BRDT: variants seen among roughly 807,000 people sequenced by gnomAD.
BRDT encodes the protein bromodomain testis associated.
Under a neutral mutation model 113.9 loss-of-function variants are expected in BRDT, and 77 were observed. The ratio of observed to expected loss-of-function variants is 0.68; its 90% CI spans 0.56 to 0.82. BRDT has a LOEUF of 0.82. Among genes scored for constraint, BRDT ranks in the 40% least tolerant of loss-of-function variants. The pLI is 0.00. For missense variants in BRDT, 1,027 were observed against 1,105.4 expected (o/e 0.93, Z 1.01); for synonymous variants, 358 against 366.5 (o/e 0.98, Z 0.26).
At chr1:91,970,493 C>T (rs1188160113) in intron 4 of BRDT, among the ~76,000 whole-genome samples, 1 of 152,184 alleles carries the variant, frequency 6.6e-6, no homozygotes, top group Non-Finnish European at 1.5e-5. Context: ...TCTTGAACTC[C>T]TGGCTTCAAA....
chr1:91,950,745 G>A (rs1680967535), intron 1 of BRDT: 1 of 140,328 alleles, frequency 7.1e-6, no homozygotes, highest in African/African-American at 2.7e-5. Flanking sequence ...GATCTCAGAG[G>A]ATCGCCTGAG....
Position 91,980,734 on chromosome 1 carries a change from AAAAAG to A in BRDT, c.1385_1389del (p.Glu462GlyfsTer2). Reference sequence around the variant, plus strand: ...AAAGAGAAGTCTAAAAAGGAAAAGAAAAAAGAAAAGGTTAATAACAGCAATGAAAA... The same window carrying A: ...AAAGAGAAGTCTAAAAAGGAAAAGAAAAAAGGTTAATAACAGCAATGAAAA... On this transcript the variant is annotated frameshift_variant, in exon 9 of 19. Coordinates refer to ENST00000399546, the MANE Select transcript of BRDT (RefSeq NM_207189.4). LOFTEE classifies it high-confidence loss of function. 6.2e-7 allele frequency: 1 copy of A among 1,608,656 alleles called. No individual in the cohort carries two copies. The highest frequency in any genetic ancestry group is 8.5e-7 in the Non-Finnish European group (1 of 1,178,984).
At chr1:92,014,152 T>C in intron 18 of BRDT, 54 bp from the exon 19 acceptor site, 1 of 1,136,828 alleles carries the variant, frequency 8.8e-7, no homozygotes. Flanking sequence ...TGTATAGTTG[T>C]AGTAAAGACA....
chr1:91,978,544 T>C (rs561760188), intron 7 of BRDT, among the ~76,000 whole-genome samples: 11 of 152,320 alleles, frequency 7.2e-5, no homozygotes, highest in Admixed American at 5.9e-4. Context: ...AATCTTTTTA[T>C]GAAGCTGCCC....
rs760139039 is a variant in BRDT, at chr1:91,981,188, T to G, written c.1750+10T>G. On this transcript the variant is annotated intron_variant, in intron 10 of 18. Coordinates refer to ENST00000399546, the MANE Select transcript of BRDT (RefSeq NM_207189.4). The stretch of plus-strand genomic sequence containing the variant: ...CCATTAAAACCTCCTGGTATGTATT[T>G]CTGCATATTAATAGAAATCGGTTTG... 6.2e-7 allele frequency: 1 copy of G among 1,607,560 alleles called. No homozygotes were observed. Among genetic ancestry groups the G allele is most frequent in the Non-Finnish European group, 8.5e-7 (1 of 1,177,860 alleles).
chr1:91,966,935 G>A (rs1683123241), intron 3 of BRDT, among the ~76,000 whole-genome samples: 1 of 152,042 alleles, frequency 6.6e-6, no homozygotes, highest in South Asian at 2.1e-4. Flanking sequence ...CAGACGCGGT[G>A]GCAGGCACCT....
At chr1:91,982,351 T>G (rs759501644) in intron 12 of BRDT, among the ~76,000 whole-genome samples, 4 of 152,182 alleles carry the variant, frequency 2.6e-5, no homozygotes, top group South Asian at 4.1e-4. Context: ...TCTTGTATAG[T>G]TTAGCAGTTG....
At chr1:91,964,305 C>T (rs1165595613) in intron 2 of BRDT, among the ~76,000 whole-genome samples, 1 of 152,236 alleles carries the variant, frequency 6.6e-6, no homozygotes, top group Non-Finnish European at 1.5e-5. Context: ...AGGTGATCCA[C>T]CCACCTTGGC....
chr1:91,957,366 G>A lies in BRDT; in HGVS notation c.-37-5352G>A, dbSNP rs573847680. ...AAACTAGCTGGGTGTGGTGGCGGGC[G>A]CCTGTAGTCCCAGCTACTCTGGAGG... On this transcript the variant is annotated intron_variant, in intron 1 of 18. Coordinates refer to ENST00000399546, the MANE Select transcript of BRDT (RefSeq NM_207189.4). Among the ~76,000 whole-genome samples the A allele has an allele frequency of 4.1e-3, 630 of 152,112 alleles. 8 individuals carry two copies. Among genetic ancestry groups the A allele is most frequent in the African/African-American group, 0.014 (589 of 41,496 alleles).
intron 4 of BRDT, among the ~76,000 whole-genome samples, chr1:91,971,627 C>G (rs2101624602): frequency 6.6e-6 from 1 of 152,294 alleles, no homozygotes; most frequent in East Asian, 1.9e-4. Flanking sequence ...GTTCTGTGCT[C>G]TTGAGATATT....
intron 12 of BRDT, among the ~76,000 whole-genome samples, chr1:91,982,814 C>T (rs1019517325): frequency 1.3e-5 from 2 of 152,100 alleles, no homozygotes; most frequent in African/African-American, 4.8e-5. Context: ...ATTTGTCATA[C>T]TAGAAAATTT....
chr1:91,997,291 T>C (rs2101772060), intron 15 of BRDT, among the ~76,000 whole-genome samples: 1 of 152,248 alleles, frequency 6.6e-6, no homozygotes, highest in South Asian at 2.1e-4. Flanking sequence ...TGAGAAGTAA[T>C]GGAATTTGAG....
At position 91,981,322 on chromosome 1, in the gene BRDT, T is replaced by C. The variant is rs1341326448; in HGVS notation, c.1805T>C (p.Leu602Ser). ...EELHSQKKQE[L>S]EKRLLDVNNQ... ...CTTCACTCACAGAAAAAACAGGAAT[T>C]GGAAAAGCGGTTACTGGATGTTAAT... Residue 602 changes from leucine (L) to serine (S), a missense_variant, in exon 11 of 19, where the codon TTG (leucine) becomes TCG (serine). Leu to Ser is a moderately radical substitution (Grantham distance 145, BLOSUM62 -2). Transcript: ENST00000399546. The C allele has an allele frequency of 1.2e-6, 2 of 1,614,006 alleles. No homozygotes were observed. Among genetic ancestry groups the C allele is most frequent in the Non-Finnish European group, 1.7e-6 (2 of 1,180,006 alleles).
At chr1:91,954,735 C>T (rs1681543925) in intron 1 of BRDT, among the ~76,000 whole-genome samples, 1 of 151,954 alleles carries the variant, frequency 6.6e-6, no homozygotes, top group African/African-American at 2.4e-5. Context: ...GTGGGAGGAT[C>T]ACTTGAGAAC....
chr1:91,991,332 A>G (rs1400340591), intron 13 of BRDT, 87 bp downstream of exon 13: 4 of 645,298 alleles, frequency 6.2e-6, no homozygotes, highest in Admixed American at 7.2e-5. Context: ...ATTGTTTTCA[A>G]TTTTATTTAC....
chr1:91,958,214 CTTTTTTTT>C (rs35049237), intron 1 of BRDT, among the ~76,000 whole-genome samples: 41 of 127,338 alleles, frequency 3.2e-4, no homozygotes, highest in Admixed American at 1.1e-3. Flanking sequence ...AACTCATGCC[CTTTTTTTT>C]TTTTTTTTTT....
chr1:91,984,168 A>G (rs1278399117), intron 12 of BRDT, among the ~76,000 whole-genome samples: 1 of 152,218 alleles, frequency 6.6e-6, no homozygotes, highest in African/African-American at 2.4e-5. Flanking sequence ...AAAAAATTAT[A>G]TCTTTGCTTA....
Position 91,974,315 on chromosome 1 carries a change from C to T in BRDT, c.446-1951C>T, listed in dbSNP as rs542228117. 7.1e-4 allele frequency among the ~76,000 whole-genome samples: 108 copies of T among 152,296 alleles called. 1 individual carries two copies. Among genetic ancestry groups the T allele is most frequent in the African/African-American group, 2.5e-3 (102 of 41,558 alleles). ...CTAATTAAACTAAAGAGCTTCTGCACAGCAATAGAAACTACCATCAGAGTG... is the reference window on the plus strand; with the variant it reads ...CTAATTAAACTAAAGAGCTTCTGCATAGCAATAGAAACTACCATCAGAGTG... On this transcript the variant is annotated intron_variant, in intron 4 of 18. Coordinates refer to ENST00000399546, the MANE Select transcript of BRDT (RefSeq NM_207189.4).
intron 1 of BRDT, among the ~76,000 whole-genome samples, chr1:91,962,034 A>G (rs1407550384): frequency 6.7e-6 from 1 of 150,066 alleles, no homozygotes; most frequent in Non-Finnish European, 1.5e-5. Context: ...AGTCCCAGCT[A>G]CTCGGGAGGC....
Sources: gnomAD v4.1 joint callset for allele counts (sites outside exome capture counted in the v4.1 genomes callset) on GRCh38, gnomAD v4.1.1 for gene constraint, MANE v1.5 for transcripts, NCBI Gene and HGNC (gene_info 2026-07-23, HGNC 2026-07-21) for gene names.